The following COL13A1 variants were observed in gnomAD, a reference collection of about 807,000 sequenced individuals.
COL13A1 encodes collagen type XIII alpha 1 chain, also known as collagen alpha-1(XIII) chain.
In COL13A1, 89 loss-of-function variants were observed where a neutral mutation model predicts 130.9. The observed-to-expected ratio is 0.68, with a 90% CI of 0.57 to 0.81. COL13A1 has a LOEUF of 0.81. Ranked by LOEUF, COL13A1 falls within the 30% of genes least tolerant of loss-of-function variation. The probability of loss-of-function intolerance (pLI) is 0.00; values close to 1 mark genes in which losing one functional copy is unlikely to be tolerated. For missense variants in COL13A1, 879 were observed against 934.6 expected, an observed-to-expected ratio of 0.94 and a Z score of 0.78; for synonymous variants, 402 against 341.6, an observed-to-expected ratio of 1.18 and a Z score of -1.95.
At chr10:69,813,660 G>A (rs1047863968) in intron 1 of COL13A1, among the ~76,000 whole-genome samples, 5 of 152,096 alleles carry the variant, frequency 3.3e-5, no homozygotes, top group African/African-American at 7.2e-5. Flanking sequence ...CAGCACACAG[G>A]CCCCTGCAGC....
At chr10:69,933,235 C>T (rs551237821) in intron 31 of COL13A1, among the ~76,000 whole-genome samples, 5 of 148,594 alleles carry the variant, frequency 3.4e-5, no homozygotes, top group African/African-American at 9.9e-5. Flanking sequence ...CTCAGGGAAT[C>T]GGGCAAGCAT....
At chr10:69,885,322 T>A (rs375003901) in intron 7 of COL13A1, among the ~76,000 whole-genome samples, 1 of 152,114 alleles carries the variant, frequency 6.6e-6, no homozygotes, top group Admixed American at 6.6e-5. Context: ...TTCACTCAAA[T>A]CAGCAGGAAA....
chr10:69,897,719 C>T (rs758544131), intron 13 of COL13A1, among the ~76,000 whole-genome samples: 5 of 152,204 alleles, frequency 3.3e-5, no homozygotes, highest in Non-Finnish European at 5.9e-5. Context: ...CCCAGCTGGG[C>T]GCATTCGCAG....
In COL13A1 at chr10:69,802,503, C is replaced by T. The variant is rs1840275132; in HGVS notation, c.80C>T (p.Ala27Val). The change falls in exon 1 of 41, where the codon GCT (alanine) becomes GTT (valine). Residue 27 changes from alanine (A) to valine (V), a missense_variant. By Grantham distance (64) the Ala-to-Val change is moderately conservative (BLOSUM62 0). Transcript: ENST00000645393. ...PGELGAPGTVALVAARAERGA... is the reference protein window; with the variant it reads ...PGELGAPGTVVLVAARAERGA... ...GAGTTGGGCGCGCCCGGGACGGTGG[C>T]TCTGGTGGCGGCGCGGGCGGAGCGC... 3 of 1,544,012 alleles carry T rather than the reference C, an allele frequency of 1.9e-6. No individual in the cohort carries two copies. The highest frequency in any genetic ancestry group is 1.7e-6 in the Non-Finnish European group (2 of 1,147,788).
intron 23 of COL13A1, 65 bp downstream of exon 23, chr10:69,922,859 C>A: frequency 1.8e-6 from 2 of 1,128,872 alleles, no homozygotes; most frequent in Non-Finnish European, 2.5e-6. Flanking sequence ...TCAGCCTGTT[C>A]TCGGGGACTC....
chr10:69,915,633 C>T (rs559012102), intron 17 of COL13A1, among the ~76,000 whole-genome samples: 1 of 152,214 alleles, frequency 6.6e-6, no homozygotes, highest in African/African-American at 2.4e-5. Context: ...CCACTCCCAT[C>T]AAACAGCCTC....
rs1262780653 is a variant in COL13A1 at position 69,925,974 on chromosome 10, C to A, written c.1398+102C>A. 4.5e-6 allele frequency: 4 copies of A among 885,026 alleles called. No individual in the cohort carries two copies. The African/African-American group carries it at 5.1e-5, about 11-fold the overall frequency. 54.8% of individuals were successfully genotyped at this position (885,026 alleles called of 1,614,324 possible). On this transcript the variant is annotated intron_variant, in intron 26 of 40. Transcript: ENST00000645393. ...TCCACACAGCCGAGTAGGGGCCCTG[C>A]CCTCAGGCCCTCAGGCAGCGCTTCC...
In COL13A1 at chr10:69,919,086, A is replaced by G; in HGVS notation, c.1024A>G (p.Lys342Glu). 6.2e-7 allele frequency: 1 copy of G among 1,614,004 alleles called. No homozygotes were observed. The highest frequency in any genetic ancestry group is 8.5e-7 in the Non-Finnish European group (1 of 1,179,870). ...MKGEPGIPGT[K>E]GDPGAEGKPG... The stretch of plus-strand genomic sequence containing the variant: ...GGGTGAGCCAGGGATCCCAGGAACC[A>G]AGGTACTGATGCAGAGAGAATGTTC... The change falls in exon 20 of 41, where the codon AAG becomes GAG. Residue 342 changes from lysine to glutamate, a missense_variant and splice_region_variant. Transcript: ENST00000645393.
chr10:69,850,268 T>C lies in COL13A1; in HGVS notation c.365-17530T>C, dbSNP rs114389668. 4.0e-3 allele frequency among the ~76,000 whole-genome samples: 604 copies of C among 150,666 alleles called. 2 individuals carry two copies. The highest frequency in any genetic ancestry group is 0.014 in the African/African-American group (578 of 41,076). On this transcript the variant is annotated intron_variant, in intron 2 of 40. Coordinates refer to ENST00000645393, the MANE Select transcript of COL13A1 (RefSeq NM_001368882.1). ...GTTTAGACTGTGCGACACAGTACGA[T>C]ACAGGGCAAAAGGCAGATTCTGGAC...
chr10:69,933,082 G>A (rs2066342333), intron 31 of COL13A1, among the ~76,000 whole-genome samples: 1 of 137,162 alleles, frequency 7.3e-6, no homozygotes, highest in Admixed American at 8.0e-5. Context: ...GTTACAGTGA[G>A]CCAGGATTGT....
Position 69,918,303 on chromosome 10 carries a change from G to C in COL13A1, c.985G>C (p.Val329Leu), listed in dbSNP as rs781556423. Reference protein sequence around the residue: ...HGAKGAPGIAVAGMKGEPGIP... With the variant: ...HGAKGAPGIALAGMKGEPGIP... ...CTGCCAGGGGGCGCCCGGAATTGCCGTGGCTGGGATGAAGGTCAGTGGACT... is the reference window on the plus strand; with the variant it reads ...CTGCCAGGGGGCGCCCGGAATTGCCCTGGCTGGGATGAAGGTCAGTGGACT... The change falls in exon 19 of 41, where the codon GTG becomes CTG. Residue 329 changes from valine (V) to leucine (L), a missense_variant. Val to Leu is a conservative substitution (Grantham distance 32, BLOSUM62 1). Around this residue, in one of 3 missense-constraint regions of COL13A1, gnomAD observed 715 missense variants for 721.0 expected, o/e 0.99. Transcript: ENST00000645393. The C allele has an allele frequency of 1.2e-6, 2 of 1,613,030 alleles. No individual in the cohort carries two copies. The highest frequency in any genetic ancestry group is 1.7e-4 in the Middle Eastern group (1 of 5,886).
At chr10:69,804,582 G>A (rs866871342) in intron 1 of COL13A1, among the ~76,000 whole-genome samples, 9 of 151,516 alleles carry the variant, frequency 5.9e-5, no homozygotes, top group Admixed American at 3.9e-4. Context: ...GTCACATGGC[G>A]AGGCCCAGGA....
chr10:69,911,265 C>G (rs1338355352), intron 17 of COL13A1, among the ~76,000 whole-genome samples: 1 of 152,228 alleles, frequency 6.6e-6, no homozygotes, highest in Non-Finnish European at 1.5e-5. Flanking sequence ...AGCAAGGGCC[C>G]GTGTGGTGGA....
intron 18 of COL13A1, 107 bp from the exon 19 acceptor site, chr10:69,918,178 G>C: frequency 1.0e-6 from 1 of 958,626 alleles, no homozygotes; most frequent in South Asian, 1.6e-5. Flanking sequence ...AGGAGTGAGC[G>C]GTCCTCCTTC....
In COL13A1 at chr10:69,802,621, C is replaced by T. The variant is rs370821313; in HGVS notation, c.198C>T (p.Ala66=). 42 of 1,613,078 alleles carry T rather than the reference C, an allele frequency of 2.6e-5. No individual in the cohort carries two copies. The African/African-American group carries it at 4.5e-4, about 17-fold the overall frequency. ...GCCTGCTCGCCCACTTTCGGACGGC[C>T]GAGCTGCAGGCCCGGGTGCTGCGCC... The part of the protein sequence containing the change: ...ALSLLAHFRT[A]ELQARVLRLE... Residue 66 remains alanine, a synonymous_variant, in exon 1 of 41, where the codon GCC becomes GCT. Transcript: ENST00000645393.
intron 3 of COL13A1, among the ~76,000 whole-genome samples, chr10:69,869,950 C>T (rs749588590): frequency 6.6e-6 from 1 of 152,202 alleles, no homozygotes; most frequent in African/African-American, 2.4e-5. Context: ...GTGTGTTAGA[C>T]ACTGTTATGT....
intron 2 of COL13A1, among the ~76,000 whole-genome samples, chr10:69,827,210 A>G (rs1013520608): frequency 4.6e-5 from 7 of 152,184 alleles, no homozygotes; most frequent in Admixed American, 1.3e-4. Flanking sequence ...AGAAATCTGG[A>G]GCTCAGAGCA....
At chr10:69,844,326 G>A (rs1164258655) in intron 2 of COL13A1, among the ~76,000 whole-genome samples, 1 of 152,296 alleles carries the variant, frequency 6.6e-6, no homozygotes, top group Admixed American at 6.5e-5. Flanking sequence ...TCAGCAAGTG[G>A]AATGAAGCTC....
intron 9 of COL13A1, among the ~76,000 whole-genome samples, chr10:69,889,156 G>A (rs1203102845): frequency 6.6e-6 from 1 of 152,238 alleles, no homozygotes; most frequent in Non-Finnish European, 1.5e-5. Context: ...GGGGTCTAGG[G>A]AGACTACCCC....
Sources: allele counts gnomAD v4.1 joint callset (sites outside exome capture counted in the v4.1 genomes callset), GRCh38; gene constraint gnomAD v4.1.1; regional missense constraint gnomAD v4.1.1; transcripts MANE v1.5; gene names NCBI Gene and HGNC (gene_info 2026-07-23, HGNC 2026-07-21).